Variants in KDM1B observed in about 807,000 individuals in gnomAD.
The protein encoded by KDM1B is lysine demethylase 1B, also known as lysine-specific histone demethylase 2.
Under a neutral mutation model 107.4 loss-of-function variants are expected in KDM1B, and 63 were observed. The ratio of observed to expected loss-of-function variants is 0.59; its 90% CI spans 0.48 to 0.72. KDM1B has a LOEUF of 0.72. KDM1B is among the 30% of genes least tolerant of loss of function. KDM1B has a pLI of 0.00. For synonymous variants in KDM1B, 363 were observed against 363.9 expected, an observed-to-expected ratio of 1.00 and a Z score of 0.03; for missense variants, 749 against 1,020.8, an observed-to-expected ratio of 0.73 and a Z score of 3.63.
chr6:18,208,335 A>T lies in KDM1B; in HGVS notation c.1866+129A>T, dbSNP rs1296139462. On this transcript the variant is annotated intron_variant, in intron 17 of 21. Transcript: ENST00000650836. The stretch of plus-strand genomic sequence containing the variant: ...CCTGGACCCTTGTTGGATTTCTGGT[A>T]AGTTATGTATCTCTACTTAATTGTA... The T allele has an allele frequency of 1.8e-5, 12 of 653,558 alleles. No homozygotes were observed. The Admixed American group carries it at 3.4e-4, about 19-fold the overall frequency. 40.5% of individuals were successfully genotyped at this position (653,558 alleles called of 1,614,324 possible).
intron 7 of KDM1B, among the ~76,000 whole-genome samples, chr6:18,183,272 T>TTTG: frequency 7.0e-6 from 1 of 142,124 alleles, no homozygotes. Context: ...TTTTTTTTTT[T>TTTG]TTTTTTTTTT....
At chr6:18,188,750 A>T (rs1787058855) in intron 9 of KDM1B, among the ~76,000 whole-genome samples, 1 of 148,268 alleles carries the variant, frequency 6.7e-6, no homozygotes, top group Non-Finnish European at 1.5e-5. Context: ...AGTAGCTGGG[A>T]CTCCAAGCAC....
Position 18,210,342 on chromosome 6 carries a change from C to CTTTTTTTTTTTTTTTTTTTTTT in KDM1B, c.1867-2137_1867-2116dup, listed in dbSNP as rs533016543. On this transcript the variant is annotated intron_variant, in intron 17 of 21. Transcript: ENST00000650836. ...TCTTTCTTTTTTTTCTCTTTCTTTT[C>CTTTTTTTTTTTTTTTTTTTTTT]TTTTTTTTTTTTTTTTTTTTTTTTT... Among the ~76,000 whole-genome samples, 136 of 70,010 alleles carry CTTTTTTTTTTTTTTTTTTTTTT rather than the reference C, an allele frequency of 1.9e-3. 16 individuals carry two copies. The highest frequency in any genetic ancestry group is 2.8e-3 in the Non-Finnish European group (95 of 33,980). 45.9% of individuals were successfully genotyped at this position (70,010 alleles called of 152,430 possible). A position where few individuals can be genotyped will look rare whatever the true frequency, so the allele number is the denominator to read the frequency against.
rs1053165253 is a variant in KDM1B at position 18,159,328 on chromosome 6, T to C, written c.-13-555T>C. 3.3e-5 allele frequency among the ~76,000 whole-genome samples: 5 copies of C among 152,206 alleles called. No homozygotes were observed. The highest frequency in any genetic ancestry group is 9.6e-5 in the African/African-American group (4 of 41,452). ...TGCAGGAACTGCTAAGAAGACACAG[T>C]AAAATGGAGAGGAACATAGGCAAAA... On this transcript the variant is annotated intron_variant, in intron 2 of 21. Coordinates refer to ENST00000650836, the MANE Select transcript of KDM1B (RefSeq NM_001364614.2). This position sits in a 1 kb window ranked among gnomAD's most constrained non-coding sequence, Gnocchi z 4.5.
chr6:18,157,048 AAACC>A (rs1292115490), intron 2 of KDM1B, among the ~76,000 whole-genome samples: 1 of 152,254 alleles, frequency 6.6e-6, no homozygotes, highest in African/African-American at 2.4e-5. Flanking sequence ...CATTAAAAGA[AAACC>A]AAAGCCAAAT....
Position 18,162,561 on chromosome 6 carries a change from T to C in KDM1B, c.216-274T>C, listed in dbSNP as rs1027054201. On this transcript the variant is annotated intron_variant, in intron 4 of 21. Transcript: ENST00000650836. The surrounding 1 kb of genome is among the most constrained non-coding windows in gnomAD (Gnocchi z 4.1). Reference sequence around the variant, plus strand: ...GCAAGCACAGTGGCATCTGTCCTTTTGTGTCATAAAACCCTATCATTGCCC... The same window carrying C: ...GCAAGCACAGTGGCATCTGTCCTTTCGTGTCATAAAACCCTATCATTGCCC... 2.0e-5 allele frequency among the ~76,000 whole-genome samples: 3 copies of C among 152,120 alleles called. No homozygotes were observed. Among genetic ancestry groups the C allele is most frequent in the Non-Finnish European group, 4.4e-5 (3 of 68,020 alleles).
rs1784963096 is a variant in KDM1B, at chr6:18,161,370, G to T, written c.131G>T (p.Gly44Val). Reference sequence around the variant, plus strand: ...GAGACAACAGATGAGGATGAAGATGGTGGCTCAGAGAAGAAGTACAGGAAA... The same window carrying T: ...GAGACAACAGATGAGGATGAAGATGTTGGCTCAGAGAAGAAGTACAGGAAA... ...ATETTDEDED[G>V]GSEKKYRKCE... The change falls in exon 4 of 22, where the codon GGT becomes GTT. Residue 44 changes from glycine (G) to valine (V), a missense_variant. Physicochemically the swap from Gly to Val is moderately radical, Grantham distance 109. Transcript: ENST00000650836. 3 of 1,613,870 alleles carry T rather than the reference G, an allele frequency of 1.9e-6. No homozygotes were observed. The highest frequency in any genetic ancestry group is 1.7e-5 in the Admixed American group (1 of 59,984).
At chr6:18,179,749 G>T (rs1786301223) in intron 7 of KDM1B, among the ~76,000 whole-genome samples, 1 of 149,046 alleles carries the variant, frequency 6.7e-6, no homozygotes, top group East Asian at 2.0e-4. Flanking sequence ...TTGGTGATTT[G>T]AGAGTGAGGG....
At chr6:18,194,322 C>T (rs1479359900) in intron 10 of KDM1B, among the ~76,000 whole-genome samples, 1 of 152,106 alleles carries the variant, frequency 6.6e-6, no homozygotes. Context: ...CGTGCTGGTT[C>T]CCCCATCCCC....
At chr6:18,157,329 G>A (rs981775505) in intron 2 of KDM1B, among the ~76,000 whole-genome samples, 4 of 152,146 alleles carry the variant, frequency 2.6e-5, no homozygotes, top group African/African-American at 9.7e-5. Flanking sequence ...CCCTCGATAA[G>A]ATTTAATAAT....
chr6:18,169,770 G>C (rs1445334236), intron 6 of KDM1B, among the ~76,000 whole-genome samples: 1 of 151,922 alleles, frequency 6.6e-6, no homozygotes, highest in African/African-American at 2.4e-5. Context: ...GAGTGCTTAC[G>C]TTTAGGTATT....
chr6:18,185,660 C>G, intron 7 of KDM1B, 112 bp from the exon 8 acceptor site: 1 of 961,282 alleles, frequency 1.0e-6, no homozygotes, highest in Non-Finnish European at 1.7e-6. Flanking sequence ...CATAAAAATG[C>G]TTTTCTTTGC....
At chr6:18,171,556 A>G in intron 7 of KDM1B, 77 bp downstream of exon 7, 1 of 825,884 alleles carries the variant, frequency 1.2e-6, no homozygotes. Flanking sequence ...TATGTTTTTC[A>G]TGTATTGTGT....
rs1787960151 is a variant in KDM1B, at chr6:18,200,439, G to A, written c.1222G>A (p.Val408Met). The A allele has an allele frequency of 6.2e-7, 1 of 1,613,124 alleles. No individual in the cohort carries two copies. Among genetic ancestry groups the A allele is most frequent in the African/African-American group, 1.3e-5 (1 of 74,912 alleles). ...ARQLHNFGIK[V>M]TVLEAKDRIG... ...CTTCCCTGACTGTCTGTCTTTTTAG[G>A]TGACTGTCCTGGAAGCCAAAGACAG... The change falls in exon 13 of 22, where the codon GTG (valine) becomes ATG (methionine). Residue 408 changes from valine to methionine, a missense_variant and splice_region_variant. Transcript: ENST00000650836. This position sits in a 1 kb window ranked among gnomAD's most constrained non-coding sequence, Gnocchi z 4.3.
chr6:18,193,438 T>C (rs1488898431), intron 10 of KDM1B, among the ~76,000 whole-genome samples: 1 of 150,918 alleles, frequency 6.6e-6, no homozygotes, highest in African/African-American at 2.4e-5. Flanking sequence ...TTCTGAGTAG[T>C]TGGGACCACA....
At chr6:18,176,245 ACT>A (rs1785997695) in intron 7 of KDM1B, among the ~76,000 whole-genome samples, 1 of 151,236 alleles carries the variant, frequency 6.6e-6, no homozygotes, top group Non-Finnish European at 1.5e-5. Context: ...TCTTGATTTG[ACT>A]CTCTGCTTGG....
chr6:18,183,280 T>G (rs2150892846), intron 7 of KDM1B, among the ~76,000 whole-genome samples: 1 of 147,778 alleles, frequency 6.8e-6, no homozygotes, highest in Non-Finnish European at 1.5e-5. Context: ...TTTTTTTTTT[T>G]TTTTGAGACA....
chr6:18,177,688 C>T (rs1443591899), intron 7 of KDM1B, among the ~76,000 whole-genome samples: 3 of 151,872 alleles, frequency 2.0e-5, no homozygotes, highest in African/African-American at 4.8e-5. Context: ...GGATTACAGG[C>T]GTTAGCCACC....
rs1341112748 is a variant in KDM1B, at chr6:18,217,755, A to G, written c.2255A>G (p.Tyr752Cys). 1 of 1,612,602 alleles carries G rather than the reference A, an allele frequency of 6.2e-7. No individual in the cohort carries two copies. The highest frequency in any genetic ancestry group is 1.3e-5 in the African/African-American group (1 of 74,756). ...TAGGAGGTCCCAGATCCCACAAAGT[A>G]TTTTGTCACTCGGTGGAGCACAGAC... ...KEQEVPDPTKYFVTRWSTDPW... is the reference protein window; with the variant it reads ...KEQEVPDPTKCFVTRWSTDPW... Residue 752 changes from tyrosine to cysteine, a missense_variant, in exon 21 of 22, where the codon TAT becomes TGT. Coordinates refer to ENST00000650836, the MANE Select transcript of KDM1B (RefSeq NM_001364614.2).
Sources: allele counts gnomAD v4.1 joint callset (sites outside exome capture counted in the v4.1 genomes callset), GRCh38; gene constraint gnomAD v4.1.1; non-coding constraint Gnocchi (gnomAD v3.1); transcripts MANE v1.5; gene names NCBI Gene and HGNC (gene_info 2026-07-23, HGNC 2026-07-21).